Variants in TBC1D23 observed in about 807,000 individuals in gnomAD.
TBC1D23 encodes TBC1 domain family member 23, also known as HCV non-structural protein 4A-transactivated protein 1.
TBC1D23 carries 55 observed loss-of-function variants against 91.4 expected under a neutral mutation model. The observed-to-expected ratio is 0.60, with a 90% CI of 0.48 to 0.75. The LOEUF is 0.75. TBC1D23 is among the 30% of genes least tolerant of loss of function. TBC1D23 has a pLI of 0.00. For synonymous variants in TBC1D23, 289 were observed against 281.0 expected (o/e 1.03, Z -0.28); for missense variants, 725 against 836.1 (o/e 0.87, Z 1.64).
intron 1 of TBC1D23, among the ~76,000 whole-genome samples, chr3:100,266,724 G>C (rs1327305393): frequency 6.6e-6 from 1 of 152,078 alleles, no homozygotes; most frequent in African/African-American, 2.4e-5. Context: ...GCAGAGAGGC[G>C]ACAAGTGCAT....
chr3:100,316,406 G>A (rs1406126034), intron 16 of TBC1D23, among the ~76,000 whole-genome samples: 2 of 152,016 alleles, frequency 1.3e-5, no homozygotes, highest in African/African-American at 2.4e-5. Context: ...GTATACATAT[G>A]TAACAAACCT....
At chr3:100,264,961 C>G (rs74319395) in intron 1 of TBC1D23, among the ~76,000 whole-genome samples, 3,312 of 152,232 alleles carry the variant, frequency 0.022, 57 homozygotes, top group South Asian at 0.031. Context: ...TGACTAGCTG[C>G]TGGGGGTTGC....
intron 2 of TBC1D23, 66 bp from the exon 3 acceptor site, chr3:100,281,676 A>G: frequency 1.0e-6 from 1 of 997,386 alleles, no homozygotes; most frequent in Non-Finnish European, 1.6e-6. Flanking sequence ...TTTAATTATT[A>G]CAGCATATTT....
Position 100,324,327 on chromosome 3 carries a change from TA to T in TBC1D23, c.*661del, listed in dbSNP as rs1705916413. ...GCTTCAAAGATAAGAAACTTCATCC[TA>T]ATGATTTCTAAAGAGCAGTTAAAAG... On this transcript the variant is annotated 3_prime_UTR_variant, in exon 19 of 19. Coordinates refer to ENST00000394144, the MANE Select transcript of TBC1D23 (RefSeq NM_001199198.3). 6.6e-6 allele frequency: 1 copy of T among 152,196 alleles called. No homozygotes were observed. The highest frequency in any genetic ancestry group is 2.4e-5 in the African/African-American group (1 of 41,454). The allele number at this position is 152,196 out of a possible 1,614,324, so 9.4% of individuals were successfully genotyped here. A position where few individuals can be genotyped will look rare whatever the true frequency, so the allele number is the denominator to read the frequency against.
At chr3:100,271,100 A>G (rs963305391) in intron 1 of TBC1D23, among the ~76,000 whole-genome samples, 1 of 152,146 alleles carries the variant, frequency 6.6e-6, no homozygotes, top group African/African-American at 2.4e-5. Flanking sequence ...TTTCCAACCC[A>G]GAAAACATTC....
rs1219710920 is a variant in TBC1D23 at position 100,324,541 on chromosome 3, T to C, written c.*873T>C. 6.6e-6 allele frequency: 1 copy of C among 152,206 alleles called. No homozygotes were observed. 9.4% of individuals were successfully genotyped at this position (152,206 alleles called of 1,614,324 possible). ...CTGTGACCACAGTAATATCCACTTATATAAATGCCAAATAATCAGAGAGCT... is the reference window on the plus strand; with the variant it reads ...CTGTGACCACAGTAATATCCACTTACATAAATGCCAAATAATCAGAGAGCT... On this transcript the variant is annotated 3_prime_UTR_variant, in exon 19 of 19. Transcript: ENST00000394144.
intron 11 of TBC1D23, 135 bp from the exon 12 acceptor site, chr3:100,304,711 A>G: frequency 1.6e-6 from 1 of 631,438 alleles, no homozygotes; most frequent in Non-Finnish European, 2.8e-6. Context: ...GCCAAAGTCC[A>G]AAATGTCAAG....
At chr3:100,284,067 A>G in intron 4 of TBC1D23, 2 of 384,686 alleles carry the variant, frequency 5.2e-6, no homozygotes, top group Non-Finnish European at 9.4e-6. Context: ...GATTTAGGTC[A>G]AAAGGATACA....
intron 9 of TBC1D23, among the ~76,000 whole-genome samples, chr3:100,298,884 C>T (rs1355358678): frequency 6.6e-6 from 1 of 151,604 alleles, no homozygotes; most frequent in African/African-American, 2.4e-5. Context: ...GATTTATTTG[C>T]AAAAAAGAAT....
chr3:100,296,746 G>C lies in TBC1D23; in HGVS notation c.876+471G>C, dbSNP rs2067844720. On this transcript the variant is annotated intron_variant, in intron 8 of 18. Transcript: ENST00000394144. ...GTGGTGGTGGGCGCCTGTAGTCCCA[G>C]CTACTCGGGAGGCTGAGGAAGGAGA... Among the ~76,000 whole-genome samples the C allele has an allele frequency of 2.6e-5, 4 of 151,726 alleles. No individual in the cohort carries two copies. The South Asian group carries it at 8.4e-4, about 32-fold the overall frequency.
chr3:100,273,476 G>A (rs1046845016), intron 1 of TBC1D23, among the ~76,000 whole-genome samples: 2 of 151,944 alleles, frequency 1.3e-5, no homozygotes, highest in Non-Finnish European at 2.9e-5. Flanking sequence ...TGCTATTCTC[G>A]TTACACTACC....
chr3:100,303,628 G>C (rs190425953), intron 11 of TBC1D23, among the ~76,000 whole-genome samples: 75 of 152,208 alleles, frequency 4.9e-4, no homozygotes, highest in Non-Finnish European at 7.4e-4. Context: ...AATATTAACT[G>C]TGTGTGGATG....
intron 1 of TBC1D23, among the ~76,000 whole-genome samples, chr3:100,278,430 G>A (rs1352768397): frequency 6.7e-6 from 1 of 150,052 alleles, no homozygotes; most frequent in Non-Finnish European, 1.5e-5. Context: ...CTGTCACCCA[G>A]GCTGGGGTGC....
chr3:100,280,752 A>G (rs1387555362), intron 2 of TBC1D23, among the ~76,000 whole-genome samples: 1 of 152,234 alleles, frequency 6.6e-6, no homozygotes, highest in Non-Finnish European at 1.5e-5. Flanking sequence ...TGGTATCAAC[A>G]TTTAGCCAGT....
At chr3:100,284,107 G>A (rs951679475) in intron 4 of TBC1D23, 18 of 280,196 alleles carry the variant, frequency 6.4e-5, no homozygotes, top group Non-Finnish European at 1.1e-4. Flanking sequence ...TGAACAAGTC[G>A]AAAGACCTAA....
chr3:100,316,010 A>G, intron 15 of TBC1D23, 89 bp from the exon 16 acceptor site: 1 of 1,081,998 alleles, frequency 9.2e-7, no homozygotes, highest in Non-Finnish European at 1.4e-6. Context: ...GAATAATTAC[A>G]TTTTGTGTGA....
At chr3:100,310,328 C>CA in intron 13 of TBC1D23, 75 bp from the exon 14 acceptor site, 1 of 1,312,578 alleles carries the variant, frequency 7.6e-7, no homozygotes, top group African/African-American at 1.5e-5. Flanking sequence ...CAGTCTATAA[C>CA]ATGTAGATAA....
chr3:100,286,501 C>CTTTTTTTTTTTTTTTTTTTTTT (rs11370481), intron 4 of TBC1D23, among the ~76,000 whole-genome samples: 1 of 146,364 alleles, frequency 6.8e-6, no homozygotes, highest in Non-Finnish European at 1.5e-5. Flanking sequence ...AACATATCTT[C>CTTTTTTTTTTTTTTTTTTTTTT]TTTTTTTTTT....
At chr3:100,283,877 A>C (rs1395154694) in intron 4 of TBC1D23, 66 bp downstream of exon 4, 1 of 944,290 alleles carries the variant, frequency 1.1e-6, no homozygotes, top group Non-Finnish European at 1.6e-6. Flanking sequence ...TTTGAGCTAA[A>C]GTTGCTAGAT....
Sources: gnomAD v4.1 joint callset for allele counts (sites outside exome capture counted in the v4.1 genomes callset) on GRCh38, gnomAD v4.1.1 for gene constraint, MANE v1.5 for transcripts, NCBI Gene and HGNC (gene_info 2026-07-23, HGNC 2026-07-21) for gene names.